Variants in LHFPL2 observed in about 807,000 individuals in gnomAD.
The protein encoded by LHFPL2 is LHFPL tetraspan subfamily member 2 protein.
Under a neutral mutation model 17.5 loss-of-function variants are expected in LHFPL2, and 7 were observed. The ratio of observed to expected loss-of-function variants is 0.40; its 90% CI spans 0.23 to 0.75. The LOEUF is 0.75. LHFPL2 is among the 30% of genes least tolerant of loss of function. The pLI is 0.37. For missense variants in LHFPL2, 241 were observed against 294.8 expected, an observed-to-expected ratio of 0.82 and a Z score of 1.34; for synonymous variants, 134 against 116.2, an observed-to-expected ratio of 1.15 and a Z score of -0.99.
At chr5:78,563,198 T>C (rs1756775563) in intron 3 of LHFPL2, among the ~76,000 whole-genome samples, 1 of 152,222 alleles carries the variant, frequency 6.6e-6, no homozygotes, top group Non-Finnish European at 1.5e-5. Flanking sequence ...CTGACAAGCA[T>C]CTGAAATTTT....
chr5:78,528,709 A>C (rs1755693102), intron 3 of LHFPL2, among the ~76,000 whole-genome samples: 2 of 152,188 alleles, frequency 1.3e-5, no homozygotes, highest in Admixed American at 6.5e-5. Flanking sequence ...CACTAAATGC[A>C]CCACCCCTTA....
chr5:78,527,363 GTTTT>G (rs35135294), intron 3 of LHFPL2, among the ~76,000 whole-genome samples: 2 of 108,104 alleles, frequency 1.9e-5, no homozygotes, highest in African/African-American at 3.5e-5. Context: ...CTGATGAGGA[GTTTT>G]TTTTTTTTTT....
rs568600471 is a variant in LHFPL2 at position 78,590,575 on chromosome 5, C to G, written c.-244-25704G>C. On this transcript the variant is annotated intron_variant, in intron 2 of 4. Coordinates refer to ENST00000380345, the MANE Select transcript of LHFPL2 (RefSeq NM_005779.3). ...AAGAATCACAGAGGCATACAATTCT[C>G]TCTTAAAATTTAAGTGTAAAATTGT... Among the ~76,000 whole-genome samples, 6 of 152,242 alleles carry G rather than the reference C, an allele frequency of 3.9e-5. No homozygotes were observed. The East Asian group carries it at 1.2e-3, about 29-fold the overall frequency.
At chr5:78,581,089 AT>A in intron 2 of LHFPL2, among the ~76,000 whole-genome samples, 1 of 152,040 alleles carries the variant, frequency 6.6e-6, no homozygotes, top group Admixed American at 6.5e-5. Context: ...ATTCCTAGGT[AT>A]TTTATTCTCT....
intron 2 of LHFPL2, among the ~76,000 whole-genome samples, chr5:78,588,383 G>T (rs749631216): frequency 2.6e-5 from 4 of 152,244 alleles, no homozygotes; most frequent in Non-Finnish European, 5.9e-5. Flanking sequence ...AAAAATTTCT[G>T]AACTCTTCTA....
chr5:78,580,294 T>C (rs567244381), intron 2 of LHFPL2, among the ~76,000 whole-genome samples: 1 of 152,230 alleles, frequency 6.6e-6, no homozygotes, highest in Non-Finnish European at 1.5e-5. Flanking sequence ...ATTTTGTAGG[T>C]TGCCTGTTCA....
At chr5:78,560,903 A>C (rs1022914866) in intron 3 of LHFPL2, among the ~76,000 whole-genome samples, 1 of 152,242 alleles carries the variant, frequency 6.6e-6, no homozygotes, top group African/African-American at 2.4e-5. Flanking sequence ...AGCACTGTGC[A>C]ATAAAAATAT....
chr5:78,580,175 C>T (rs1295731572), intron 2 of LHFPL2, among the ~76,000 whole-genome samples: 4 of 152,124 alleles, frequency 2.6e-5, no homozygotes, highest in Admixed American at 2.6e-4. Context: ...TCATGTCCTT[C>T]ACCCACTTTT....
intron 4 of LHFPL2, among the ~76,000 whole-genome samples, chr5:78,500,259 C>A (rs1754733744): frequency 6.6e-6 from 1 of 152,222 alleles, no homozygotes; most frequent in African/African-American, 2.4e-5. Context: ...TCAGCCATCT[C>A]ACCTCCCAAG....
intron 2 of LHFPL2, among the ~76,000 whole-genome samples, chr5:78,614,064 A>G (rs1744511416): frequency 6.6e-6 from 1 of 152,210 alleles, no homozygotes; most frequent in African/African-American, 2.4e-5. Flanking sequence ...AGGCCCCTAG[A>G]AATAATGCCT....
intron 2 of LHFPL2, among the ~76,000 whole-genome samples, chr5:78,617,539 C>T (rs1744664493): frequency 1.3e-5 from 2 of 152,116 alleles, no homozygotes; most frequent in Admixed American, 1.3e-4. Context: ...ACACTGTTCA[C>T]CTCCAGGAGA....
At chr5:78,569,574 G>C (rs1342018215) in intron 2 of LHFPL2, among the ~76,000 whole-genome samples, 1 of 152,170 alleles carries the variant, frequency 6.6e-6, no homozygotes, top group African/African-American at 2.4e-5. Context: ...ACAGAACTGG[G>C]TCAGCCATTG....
At chr5:78,508,928 C>T (rs1395241581) in intron 4 of LHFPL2, among the ~76,000 whole-genome samples, 1 of 152,168 alleles carries the variant, frequency 6.6e-6, no homozygotes, top group East Asian at 1.9e-4. Context: ...GTGTGAATTT[C>T]TGTCACCCAG....
At chr5:78,513,302 G>A (rs1300418014) in intron 3 of LHFPL2, among the ~76,000 whole-genome samples, 2 of 152,154 alleles carry the variant, frequency 1.3e-5, no homozygotes, top group African/African-American at 4.8e-5. Context: ...TTGAAGGCAG[G>A]ATTACTTAAG....
At position 78,486,612 on chromosome 5, in the gene LHFPL2, T is replaced by C. The variant is rs1754251447; in HGVS notation, c.*2285A>G. 6.6e-6 allele frequency: 1 copy of C among 152,254 alleles called. No individual in the cohort carries two copies. The highest frequency in any genetic ancestry group is 1.5e-5 in the Non-Finnish European group (1 of 68,034). 9.4% of individuals were successfully genotyped at this position (152,254 alleles called of 1,614,324 possible). A position where few individuals can be genotyped will look rare whatever the true frequency, so the allele number is the denominator to read the frequency against. Reference sequence around the variant, plus strand: ...AAGTCAGTGTTTAGGTAGTTTTTAGTGGTTTGGGGTTCTGTGTGTGTGCAT... The same window carrying C: ...AAGTCAGTGTTTAGGTAGTTTTTAGCGGTTTGGGGTTCTGTGTGTGTGCAT... On this transcript the variant is annotated 3_prime_UTR_variant, in exon 5 of 5. Coordinates refer to ENST00000380345, the MANE Select transcript of LHFPL2 (RefSeq NM_005779.3).
intron 2 of LHFPL2, among the ~76,000 whole-genome samples, chr5:78,577,764 G>T (rs1017060300): frequency 1.3e-5 from 2 of 150,882 alleles, no homozygotes; most frequent in African/African-American, 4.9e-5. Flanking sequence ...CTTTCTAAAC[G>T]AGAAAAAGAC....
intron 3 of LHFPL2, among the ~76,000 whole-genome samples, chr5:78,543,562 C>T (rs1756177314): frequency 6.6e-6 from 1 of 152,186 alleles, no homozygotes; most frequent in African/African-American, 2.4e-5. Context: ...AAGCCCTCAG[C>T]CTTGTCCCTG....
intron 3 of LHFPL2, among the ~76,000 whole-genome samples, chr5:78,561,546 C>T (rs747371920): frequency 6.6e-6 from 1 of 152,248 alleles, no homozygotes; most frequent in African/African-American, 2.4e-5. Context: ...TTATTCAGAT[C>T]ATCTTCCCTG....
chr5:78,576,795 G>A (rs1274217860), intron 2 of LHFPL2, among the ~76,000 whole-genome samples: 1 of 152,056 alleles, frequency 6.6e-6, no homozygotes, highest in Non-Finnish European at 1.5e-5. Context: ...TTAGGTTCAG[G>A]GGTACATAGG....
Sources: allele counts gnomAD v4.1 joint callset (sites outside exome capture counted in the v4.1 genomes callset), GRCh38; gene constraint gnomAD v4.1.1; transcripts MANE v1.5; gene names NCBI Gene and HGNC (gene_info 2026-07-23, HGNC 2026-07-21).